Variants in ADAP1 observed in about 807,000 individuals in gnomAD.
ADAP1 encodes the protein ArfGAP with dual PH domains 1.
ADAP1 carries 31 observed loss-of-function variants against 54.9 expected under a neutral mutation model. The observed-to-expected ratio is 0.56, with a 90% CI of 0.42 to 0.76. ADAP1 has a LOEUF of 0.76. Among genes scored for constraint, ADAP1 ranks in the 30% least tolerant of loss-of-function variants. The pLI is 0.00. For synonymous variants in ADAP1, 313 were observed against 202.6 expected (o/e 1.55, Z -4.63); for missense variants, 535 against 512.4 (o/e 1.04, Z -0.42).
At chr7:901,789 G>T (rs955138869) in intron 6 of ADAP1, among the ~76,000 whole-genome samples, 3 of 17,758 alleles carry the variant, frequency 1.7e-4, no homozygotes, top group African/African-American at 4.6e-4. Flanking sequence ...CCTCCGGCCC[G>T]CCCCGTCCCA....
Position 904,277 on chromosome 7 carries a change from G to A in ADAP1, c.502-5C>T. The A allele has an allele frequency of 1.9e-6, 3 of 1,584,330 alleles. No homozygotes were observed. Among genetic ancestry groups the A allele is most frequent in the Non-Finnish European group, 1.7e-6 (2 of 1,164,258 alleles). ...CACGGCCTTGGGCTCCTTGGCCTGAGAAGGGGTGGGGTCTAAGCACCTCAC... is the reference window on the plus strand; with the variant it reads ...CACGGCCTTGGGCTCCTTGGCCTGAAAAGGGGTGGGGTCTAAGCACCTCAC... On this transcript the variant is annotated splice_region_variant and splice_polypyrimidine_tract_variant and intron_variant, in intron 5 of 10. Transcript: ENST00000265846.
chr7:924,015 C>T (rs1036936206), intron 3 of ADAP1, among the ~76,000 whole-genome samples: 4 of 151,104 alleles, frequency 2.6e-5, no homozygotes, highest in Middle Eastern at 3.4e-3. Flanking sequence ...AGGCACCCCC[C>T]GCCCTCCAGG....
chr7:907,485 C>T (rs1277051307), intron 4 of ADAP1, among the ~76,000 whole-genome samples: 1 of 152,150 alleles, frequency 6.6e-6, no homozygotes, highest in Admixed American at 6.5e-5. Context: ...TCTGCCAGAG[C>T]TGTGGGAGAA....
At chr7:919,194 C>T (rs977905978) in intron 4 of ADAP1, among the ~76,000 whole-genome samples, 34 of 150,618 alleles carry the variant, frequency 2.3e-4, no homozygotes, top group Admixed American at 1.9e-3. Flanking sequence ...GCCGGGGCCG[C>T]ACCCTCCCCA....
intron 1 of ADAP1, among the ~76,000 whole-genome samples, chr7:948,601 C>G (rs1452477630): frequency 6.6e-6 from 1 of 152,160 alleles, no homozygotes; most frequent in Non-Finnish European, 1.5e-5. Flanking sequence ...TGGACAGTGA[C>G]TTGGGGTCAG....
At chr7:953,667 T>C (rs1036354932) in intron 1 of ADAP1, among the ~76,000 whole-genome samples, 5 of 152,188 alleles carry the variant, frequency 3.3e-5, no homozygotes, top group African/African-American at 1.2e-4. Flanking sequence ...GTCTGGGCAC[T>C]GGGCCCCGTT....
intron 6 of ADAP1, chr7:901,369 T>C: frequency 4.6e-6 from 1 of 217,144 alleles, no homozygotes; most frequent in Non-Finnish European, 9.4e-6. Flanking sequence ...GCTGGTGACC[T>C]CTGGAAAGGT....
chr7:899,469 G>A lies in ADAP1; in HGVS notation c.817C>T (p.Arg273Cys), dbSNP rs763626261. The A allele has an allele frequency of 5.0e-6, 8 of 1,613,098 alleles. No homozygotes were observed. Among genetic ancestry groups the A allele is most frequent in the South Asian group, 1.1e-5 (1 of 91,072 alleles). The change falls in exon 9 of 11, where the codon CGC becomes TGC. Residue 273 changes from arginine (R) to cysteine (C), a missense_variant. Physicochemically the swap from Arg to Cys is radical, Grantham distance 180 (BLOSUM62 -3). Coordinates refer to ENST00000265846, the MANE Select transcript of ADAP1 (RefSeq NM_006869.4). Reference sequence around the variant, plus strand: ...CTGCGGTCATCCATGGTGAACCAGCGCTTCCGGAAGCCTTCCGTTTGCTGT... The same window carrying A: ...CTGCGGTCATCCATGGTGAACCAGCACTTCCGGAAGCCTTCCGTTTGCTGT... ...GPKQTEGFRK[R>C]WFTMDDRRLM...
chr7:933,345 C>T (rs1361091485), intron 2 of ADAP1, among the ~76,000 whole-genome samples: 2 of 152,112 alleles, frequency 1.3e-5, no homozygotes, highest in Admixed American at 6.5e-5. Flanking sequence ...TTACAGGCAC[C>T]ACCCCCACAC....
At position 946,723 on chromosome 7, in the gene ADAP1, G is replaced by A. The variant is rs372607586; in HGVS notation, c.82+7673C>T. On this transcript the variant is annotated intron_variant, in intron 1 of 10. Transcript: ENST00000265846. The surrounding 1 kb of genome is among the most constrained non-coding windows in gnomAD (Gnocchi z 4.3). ...CTCTTCAGGGCCCTCGCACAGGGCC[G>A]ACTCCTCTGCGGCCCATCTGGTCTC... is the stretch of plus-strand genomic sequence containing the variant. Among the ~76,000 whole-genome samples the A allele has an allele frequency of 9.9e-5, 15 of 152,256 alleles. No individual in the cohort carries two copies. Among genetic ancestry groups the A allele is most frequent in the East Asian group, 5.8e-4 (3 of 5,198 alleles).
chr7:900,054 C>T, intron 8 of ADAP1, 48 bp downstream of exon 8: 1 of 1,607,112 alleles, frequency 6.2e-7, no homozygotes, highest in Non-Finnish European at 8.5e-7. Context: ...CCGAGACCCA[C>T]CATGGCGTAC....
chr7:921,555 T>C (rs900535806), intron 3 of ADAP1, among the ~76,000 whole-genome samples: 4 of 152,192 alleles, frequency 2.6e-5, no homozygotes, highest in African/African-American at 9.7e-5. Context: ...CTGAGGCCAA[T>C]CCTCCCACCT....
intron 1 of ADAP1, among the ~76,000 whole-genome samples, chr7:948,701 C>CT (rs937541170): frequency 2.6e-5 from 4 of 151,754 alleles, no homozygotes; most frequent in Non-Finnish European, 5.9e-5. Flanking sequence ...ATTCTATGTC[C>CT]TTTTTTTTCC....
In ADAP1 at chr7:918,963, C is replaced by T. The variant is rs1026019627; in HGVS notation, c.388+1005G>A. On this transcript the variant is annotated intron_variant, in intron 4 of 10. Transcript: ENST00000265846. Reference sequence around the variant, plus strand: ...GTTGGGGACTGCTGGGGGGCACAGCCAGAGGCTTGGCCAGCTAAGCAGCAC... The same window carrying T: ...GTTGGGGACTGCTGGGGGGCACAGCTAGAGGCTTGGCCAGCTAAGCAGCAC... Among the ~76,000 whole-genome samples the T allele has an allele frequency of 2.0e-5, 3 of 151,656 alleles. No individual in the cohort carries two copies. The East Asian group carries it at 5.8e-4, about 29-fold the overall frequency.
At chr7:905,595 A>AGAAAGGGAAAGGGGAAAGGG (rs1562912380) in intron 4 of ADAP1, 1 of 27,946 alleles carries the variant, frequency 3.6e-5, no homozygotes, top group Non-Finnish European at 5.3e-5. Flanking sequence ...AGGAGAAAGG[A>AGAAAGGGAAAGGGGAAAGGG]GAAAGGAGAA....
rs369859750 is a variant in ADAP1, at chr7:905,033, C to T, written c.501+27G>A. The stretch of plus-strand genomic sequence containing the variant: ...CCGGGATGCCGCCCTGGGACAGGCC[C>T]CCACCCCACCCCCGTCTGTGACTCA... On this transcript the variant is annotated intron_variant, in intron 5 of 10. Coordinates refer to ENST00000265846, the MANE Select transcript of ADAP1 (RefSeq NM_006869.4). 27 of 1,590,446 alleles carry T rather than the reference C, an allele frequency of 1.7e-5. No individual in the cohort carries two copies. The African/African-American group carries it at 2.8e-4, about 17-fold the overall frequency.
chr7:900,682 G>T, intron 6 of ADAP1, 66 bp from the exon 7 acceptor site: 1 of 1,436,122 alleles, frequency 7.0e-7, no homozygotes, highest in Non-Finnish European at 9.6e-7. Context: ...CCACAGAGGG[G>T]CTGGGGTCCC....
At position 916,618 on chromosome 7, in the gene ADAP1, GC is replaced by G. The variant is rs1266195040; in HGVS notation, c.388+3349del. On this transcript the variant is annotated intron_variant, in intron 4 of 10. Coordinates refer to ENST00000265846, the MANE Select transcript of ADAP1 (RefSeq NM_006869.4). The stretch of plus-strand genomic sequence containing the variant: ...TGCTGGGTGCTGAGCAGGTCCAGGT[GC>G]CCGCGTGTTCATCCCCTGACCGTTT... 2.0e-5 allele frequency among the ~76,000 whole-genome samples: 3 copies of G among 152,188 alleles called. No homozygotes were observed. In the South Asian group the frequency reaches 6.2e-4, roughly 31 times the overall value.
intron 4 of ADAP1, among the ~76,000 whole-genome samples, chr7:907,626 G>A (rs1845527835): frequency 6.6e-6 from 1 of 152,134 alleles, no homozygotes; most frequent in Non-Finnish European, 1.5e-5. Flanking sequence ...ATCGTTGCCC[G>A]TCCTTTCTCC....
Sources: gnomAD v4.1 joint callset for allele counts (sites outside exome capture counted in the v4.1 genomes callset) on GRCh38, gnomAD v4.1.1 for gene constraint, Gnocchi (gnomAD v3.1) non-coding constraint, MANE v1.5 for transcripts, NCBI Gene and HGNC (gene_info 2026-07-23, HGNC 2026-07-21) for gene names.